The following C16orf95 variants were observed in gnomAD, a reference collection of about 807,000 sequenced individuals.
The protein encoded by C16orf95 is uncharacterized protein C16orf95.
A neutral mutation model predicts 32.1 loss-of-function variants in C16orf95; 41 were observed. The ratio of observed to expected loss-of-function variants is 1.28; its 90% CI spans 1.00 to 1.66. The LOEUF is 1.66. Among genes scored for constraint, C16orf95 ranks in the 40% most tolerant of loss-of-function variants. C16orf95 has a pLI of 0.00. For synonymous variants in C16orf95, 147 were observed against 128.9 expected (o/e 1.14, Z -0.95); for missense variants, 399 against 325.9 (o/e 1.22, Z -1.73).
chr16:87,311,090 C>A, intron 4 of C16orf95, 60 bp downstream of exon 4: 1 of 1,392,360 alleles, frequency 7.2e-7, no homozygotes, highest in Non-Finnish European at 9.4e-7. Flanking sequence ...TCCCATCTCC[C>A]CTTCCCCCGG....
chr16:87,312,831 G>T (rs140112389), intron 3 of C16orf95, among the ~76,000 whole-genome samples: 1 of 152,220 alleles, frequency 6.6e-6, no homozygotes, highest in African/African-American at 2.4e-5. Flanking sequence ...AATAGGTTTA[G>T]CAATATTGTA....
intron 1 of C16orf95, 108 bp downstream of exon 1, chr16:87,316,983 G>C: frequency 7.2e-7 from 1 of 1,388,984 alleles, no homozygotes; most frequent in Admixed American, 3.3e-5. Flanking sequence ...GGTTCCTGTG[G>C]GTGGCGGTCA....
At chr16:87,310,384 G>C in intron 4 of C16orf95, 51 bp from the exon 5 acceptor site, 2 of 1,525,244 alleles carry the variant, frequency 1.3e-6, no homozygotes, top group Admixed American at 3.9e-5. Context: ...CCTCCAAGGG[G>C]GAAGGCCTGG....
rs1175667833 is a variant in C16orf95 at position 87,310,296 on chromosome 16, C to T, written c.514+1G>A. The T allele has an allele frequency of 3.3e-6, 5 of 1,536,028 alleles. No homozygotes were observed. The highest frequency in any genetic ancestry group is 2.0e-5 in the Admixed American group (1 of 50,984). ...ATGAGACACACACACACTGGAGTTA[C>T]CTTGGATGCCTTTCAAACTCTGCTG... On this transcript the variant is annotated splice_donor_variant, in intron 5 of 6. Coordinates refer to ENST00000567970, the MANE Select transcript of C16orf95 (RefSeq NM_001195124.3). LOFTEE classifies it high-confidence loss of function.
At chr16:87,314,791 T>C (rs6540036) in intron 3 of C16orf95, among the ~76,000 whole-genome samples, 180 bp downstream of exon 3, 11,963 of 152,224 alleles carry the variant, frequency 0.079, 1,556 homozygotes, top group African/African-American at 0.27. Context: ...CCCTCAGACC[T>C]TGCTACAACG....
At chr16:87,306,215 G>A (rs751137082) in intron 5 of C16orf95, 2 of 220,118 alleles carry the variant, frequency 9.1e-6, no homozygotes, top group Non-Finnish European at 8.8e-6. Flanking sequence ...AGCGGGAGTG[G>A]GTGGTGAAGA....
At chr16:87,314,905 G>T (rs1904306044) in intron 3 of C16orf95, 66 bp downstream of exon 3, 4 of 1,365,342 alleles carry the variant, frequency 2.9e-6, no homozygotes, top group Admixed American at 2.4e-5. Context: ...TAATTCTGAG[G>T]GGTGACTGGT....
At position 87,310,283 on chromosome 16, in the gene C16orf95, C is replaced by A. The variant is rs1313854379; in HGVS notation, c.514+14G>T. On this transcript the variant is annotated intron_variant, in intron 5 of 6. Transcript: ENST00000567970. ...GGAGGGGGATGATATGAGACACACA[C>A]ACACTGGAGTTACCTTGGATGCCTT... 13 of 1,535,980 alleles carry A rather than the reference C, an allele frequency of 8.5e-6. No homozygotes were observed. The highest frequency in any genetic ancestry group is 2.0e-5 in the Admixed American group (1 of 50,980).
chr16:87,317,302 C>A lies in C16orf95; in HGVS notation c.-60G>T, dbSNP rs112505167. The A allele has an allele frequency of 2.1e-6, 3 of 1,454,326 alleles. No individual in the cohort carries two copies. The highest frequency in any genetic ancestry group is 2.8e-5 in the African/African-American group (2 of 70,360). The allele number at this position is 1,454,326 out of a possible 1,614,324, so 90.1% of individuals were successfully genotyped here. On this transcript the variant is annotated 5_prime_UTR_variant, in exon 1 of 7. In the 5' UTR this introduces an upstream ATG that the reference lacks. Coordinates refer to ENST00000567970, the MANE Select transcript of C16orf95 (RefSeq NM_001195124.3). ...CACATCGTCCGCAGGCCCTGACGCCCTGGCTCCCGCCTTTCCCTCCTGCCC... is the reference window on the plus strand; with the variant it reads ...CACATCGTCCGCAGGCCCTGACGCCATGGCTCCCGCCTTTCCCTCCTGCCC...
rs1385407378 is a variant in C16orf95, at chr16:87,310,871, AGTG to A, written c.477+276_477+278del. Among the ~76,000 whole-genome samples the A allele has an allele frequency of 2.6e-5, 4 of 152,164 alleles. No individual in the cohort carries two copies. In the East Asian group the frequency reaches 7.7e-4, roughly 29 times the overall value. On this transcript the variant is annotated intron_variant, in intron 4 of 6. Coordinates refer to ENST00000567970, the MANE Select transcript of C16orf95 (RefSeq NM_001195124.3). ...GAGGGAGGAAAGCAGCAGCAGCAGCAGTGGGTGCCAGAACAATCACCCCTCTGC... is the reference window on the plus strand; with the variant it reads ...GAGGGAGGAAAGCAGCAGCAGCAGCAGGTGCCAGAACAATCACCCCTCTGC...
chr16:87,314,809 A>G (rs118185906), intron 3 of C16orf95, among the ~76,000 whole-genome samples, 162 bp downstream of exon 3: 2,132 of 152,356 alleles, frequency 0.014, 26 homozygotes, highest in Non-Finnish European at 0.024. Context: ...ACGACAGCAC[A>G]TTACCCATCT....
chr16:87,317,311 G>A lies in C16orf95; in HGVS notation c.-69C>T, dbSNP rs759765516. ...CGCAGGCCCTGACGCCCTGGCTCCCGCCTTTCCCTCCTGCCCCAGGAGGAA... is the reference window on the plus strand; with the variant it reads ...CGCAGGCCCTGACGCCCTGGCTCCCACCTTTCCCTCCTGCCCCAGGAGGAA... On this transcript the variant is annotated 5_prime_UTR_variant, in exon 1 of 7. Transcript: ENST00000567970. 17 of 1,451,172 alleles carry A rather than the reference G, an allele frequency of 1.2e-5. No homozygotes were observed. The highest frequency in any genetic ancestry group is 7.2e-5 in the Admixed American group (3 of 41,832). 89.9% of individuals were successfully genotyped at this position (1,451,172 alleles called of 1,614,324 possible).
In C16orf95 at chr16:87,315,049, G is replaced by A. The variant is rs543260183; in HGVS notation, c.252C>T (p.Phe84=). The A allele has an allele frequency of 2.6e-5, 40 of 1,536,098 alleles. No homozygotes were observed. The highest frequency in any genetic ancestry group is 1.7e-4 in the Middle Eastern group (1 of 5,990). Reference sequence around the variant, plus strand: ...CCCTGGACACAGGCAGGCGGCCCCCGAATCTGGTCTGGCATTCACAGCAGA... The same window carrying A: ...CCCTGGACACAGGCAGGCGGCCCCCAAATCTGGTCTGGCATTCACAGCAGA... ...WAICCECQTR[F]GGRLPVSRVE... Residue 84 remains phenylalanine, a synonymous_variant, in exon 3 of 7, where the codon TTC becomes TTT. Coordinates refer to ENST00000567970, the MANE Select transcript of C16orf95 (RefSeq NM_001195124.3).
At chr16:87,306,022 G>C in intron 5 of C16orf95, 117 bp from the exon 6 acceptor site, 1 of 760,908 alleles carries the variant, frequency 1.3e-6, no homozygotes, top group Non-Finnish European at 1.9e-6. Context: ...CCAGGACCCA[G>C]CCACAGCCCC....
chr16:87,312,620 C>G (rs1284022652), intron 3 of C16orf95, among the ~76,000 whole-genome samples: 1 of 150,742 alleles, frequency 6.6e-6, no homozygotes, highest in African/African-American at 2.4e-5. Context: ...AAACTGAATG[C>G]CATCCCTCAT....
intron 5 of C16orf95, among the ~76,000 whole-genome samples, chr16:87,309,828 A>C (rs1302493891): frequency 6.6e-6 from 1 of 152,264 alleles, no homozygotes; most frequent in Non-Finnish European, 1.5e-5. Context: ...TGAATGTATG[A>C]GCATACTATG....
In C16orf95 at chr16:87,310,341, A is replaced by G; in HGVS notation, c.478-8T>C. Reference sequence around the variant, plus strand: ...CTGCTGCCTCCTGACTATCTAAAAGACAAGAATGGAGGCAAGCAGTCAGCC... The same window carrying G: ...CTGCTGCCTCCTGACTATCTAAAAGGCAAGAATGGAGGCAAGCAGTCAGCC... On this transcript the variant is annotated splice_polypyrimidine_tract_variant and splice_region_variant and intron_variant, in intron 4 of 6. Coordinates refer to ENST00000567970, the MANE Select transcript of C16orf95 (RefSeq NM_001195124.3). 1 of 1,536,080 alleles carries G rather than the reference A, an allele frequency of 6.5e-7. No homozygotes were observed.
chr16:87,316,891 C>G (rs988138429), intron 1 of C16orf95, among the ~76,000 whole-genome samples, 200 bp downstream of exon 1: 1 of 152,218 alleles, frequency 6.6e-6, no homozygotes, highest in African/African-American at 2.4e-5. Context: ...TACCTGGATA[C>G]ATCCATGCCT....
intron 5 of C16orf95, among the ~76,000 whole-genome samples, 180 bp downstream of exon 5, chr16:87,310,117 G>A (rs964835335): frequency 2.0e-5 from 3 of 152,192 alleles, no homozygotes; most frequent in African/African-American, 7.2e-5. Context: ...GCTCACTGGG[G>A]GAAGGCAGTG....
Sources: allele counts gnomAD v4.1 joint callset (sites outside exome capture counted in the v4.1 genomes callset), GRCh38; gene constraint gnomAD v4.1.1; transcripts MANE v1.5; gene names NCBI Gene and HGNC (gene_info 2026-07-23, HGNC 2026-07-21).